The following XPNPEP1 variants were observed in gnomAD, a reference collection of about 807,000 sequenced individuals.
XPNPEP1 encodes X-prolyl aminopeptidase 1.
Under a neutral mutation model 92.4 loss-of-function variants are expected in XPNPEP1, and 39 were observed. That is an observed-to-expected ratio of 0.42 (90% CI 0.33 to 0.55). The LOEUF is 0.55. Among genes scored for constraint, XPNPEP1 ranks in the 20% least tolerant of loss-of-function variants. The pLI is 0.08. For missense variants in XPNPEP1, 654 were observed against 856.1 expected (o/e 0.76, Z 2.95); for synonymous variants, 307 against 299.4 (o/e 1.03, Z -0.26).
At chr10:109,896,290 T>C (rs1021310227) in intron 3 of XPNPEP1, among the ~76,000 whole-genome samples, 5 of 149,310 alleles carry the variant, frequency 3.3e-5, no homozygotes, top group South Asian at 2.1e-4. Flanking sequence ...TTTTTTTTTT[T>C]CTTTTGGAGA....
chr10:109,870,628 G>A (rs1847404881), intron 18 of XPNPEP1, 103 bp downstream of exon 18: 1 of 1,433,416 alleles, frequency 7.0e-7, no homozygotes, highest in Non-Finnish European at 9.3e-7. Context: ...GAAGGGAAAA[G>A]TATTGCCAAT....
intron 10 of XPNPEP1, among the ~76,000 whole-genome samples, chr10:109,881,731 G>A (rs1848110687): frequency 6.6e-6 from 1 of 152,198 alleles, no homozygotes; most frequent in East Asian, 1.9e-4. Flanking sequence ...GCCCAGGGGA[G>A]GACAGTAGAA....
At chr10:109,900,933 G>T (rs1849252685) in intron 3 of XPNPEP1, among the ~76,000 whole-genome samples, 1 of 151,968 alleles carries the variant, frequency 6.6e-6, no homozygotes, top group East Asian at 1.9e-4. Context: ...CTATTACTGG[G>T]TATATACCCA....
rs72826201 is a variant in XPNPEP1 at position 109,882,659 on chromosome 10, G to A, written c.831-17C>T. ...ATGAAGAGCCTGCAGATGGAGGAGA[G>A]GTGGGTGGCAGAAAAAGGAGGGAAC... On this transcript the variant is annotated splice_polypyrimidine_tract_variant and intron_variant, in intron 9 of 20. Transcript: ENST00000502935. 12,724 of 1,613,418 alleles carry A rather than the reference G, an allele frequency of 7.9e-3. 68 individuals are homozygous for A. Among genetic ancestry groups the A allele is most frequent in the Non-Finnish European group, 9.7e-3 (11,474 of 1,179,494 alleles).
At chr10:109,892,362 C>T in intron 4 of XPNPEP1, 1 of 156,236 alleles carries the variant, frequency 6.4e-6, no homozygotes, top group Non-Finnish European at 1.4e-5. Flanking sequence ...GGGGTTTTGG[C>T]AGAGGTGTCA....
rs572480777 is a variant in XPNPEP1 at position 109,879,247 on chromosome 10, T to TA, written c.1182+940dup. Among the ~76,000 whole-genome samples the TA allele has an allele frequency of 1.7e-3, 218 of 130,700 alleles. 8 individuals carry two copies. The South Asian group carries it at 0.046, about 28-fold the overall frequency. The allele number at this position is 130,700 out of a possible 152,430, so 85.7% of individuals were successfully genotyped here. A position where few individuals can be genotyped will look rare whatever the true frequency, so the allele number is the denominator to read the frequency against. ...ATGGAGCAAGGCTCTGTCTCAAAAA[T>TA]AAAAAAAAATAATAAAAATGTAATA... On this transcript the variant is annotated intron_variant, in intron 12 of 20. Coordinates refer to ENST00000502935, the MANE Select transcript of XPNPEP1 (RefSeq NM_020383.4).
Position 109,888,490 on chromosome 10 carries a change from C to A in XPNPEP1, c.508+13G>T. ...CTTCCTTACCCAAGCAGAAAGGGAC[C>A]AAGCTCACTTACCTGTAGGAATGAT... On this transcript the variant is annotated intron_variant, in intron 6 of 20. Transcript: ENST00000502935. 6.2e-7 allele frequency: 1 copy of A among 1,601,726 alleles called. No individual in the cohort carries two copies. The highest frequency in any genetic ancestry group is 8.5e-7 in the Non-Finnish European group (1 of 1,173,910).
intron 1 of XPNPEP1, among the ~76,000 whole-genome samples, chr10:109,917,339 T>C (rs1004693837): frequency 3.3e-5 from 5 of 152,196 alleles, no homozygotes; most frequent in African/African-American, 1.2e-4. Flanking sequence ...TATATCCTTG[T>C]AATGAGCAAT....
intron 1 of XPNPEP1, among the ~76,000 whole-genome samples, chr10:109,917,213 C>T (rs1263422199): frequency 6.6e-6 from 1 of 152,078 alleles, no homozygotes; most frequent in African/African-American, 2.4e-5. Flanking sequence ...TTGCAATTGA[C>T]ATAATCTTGA....
At chr10:109,885,191 C>CCAAA (rs1848323783) in intron 8 of XPNPEP1, among the ~76,000 whole-genome samples, 1 of 152,066 alleles carries the variant, frequency 6.6e-6, no homozygotes, top group Admixed American at 6.5e-5. Flanking sequence ...TGCAAATAAC[C>CCAAA]CAAAGGTCAT....
intron 18 of XPNPEP1, among the ~76,000 whole-genome samples, chr10:109,870,517 T>C (rs1375358942): frequency 1.3e-5 from 2 of 152,098 alleles, no homozygotes; most frequent in African/African-American, 4.8e-5. Flanking sequence ...TTCCCCTGAG[T>C]GGTTAGATTG....
At chr10:109,899,884 G>T (rs1309710954) in intron 3 of XPNPEP1, among the ~76,000 whole-genome samples, 1 of 152,194 alleles carries the variant, frequency 6.6e-6, no homozygotes, top group Admixed American at 6.5e-5. Flanking sequence ...TCCAACCAAG[G>T]ATTCTCCTGC....
chr10:109,922,730 A>T (rs1279134802), intron 1 of XPNPEP1, among the ~76,000 whole-genome samples: 7 of 152,222 alleles, frequency 4.6e-5, no homozygotes, highest in Non-Finnish European at 7.3e-5. Context: ...GGCTCTGATA[A>T]GTACATCCTG....
intron 17 of XPNPEP1, among the ~76,000 whole-genome samples, chr10:109,871,322 GC>G (rs1589544324): frequency 6.6e-6 from 1 of 152,148 alleles, no homozygotes; most frequent in Non-Finnish European, 1.5e-5. Flanking sequence ...AAGCAAGGCA[GC>G]CCAGGTCTTG....
At chr10:109,911,395 A>G (rs1438279262) in intron 2 of XPNPEP1, among the ~76,000 whole-genome samples, 4 of 152,076 alleles carry the variant, frequency 2.6e-5, no homozygotes, top group African/African-American at 9.7e-5. Context: ...ACAGGTACAC[A>G]CCACCACATC....
chr10:109,891,765 C>T lies in XPNPEP1; in HGVS notation c.372G>A (p.Gln124=). 2.5e-6 allele frequency: 4 copies of T among 1,597,464 alleles called. No homozygotes were observed. Among genetic ancestry groups the T allele is most frequent in the Non-Finnish European group, 3.4e-6 (4 of 1,175,122 alleles). ...AMWTDGRYFL[Q]AAKQMDSNWT... is the part of the protein sequence containing the mutation. The stretch of plus-strand genomic sequence containing the variant: ...AGTTGCTGTCCATTTGCTTGGCAGC[C>T]TGGAGAAAGTAGCGCCCGTCAGTCC... Residue 124 remains glutamine, a synonymous_variant, in exon 5 of 21, where the codon CAG becomes CAA. Coordinates refer to ENST00000502935, the MANE Select transcript of XPNPEP1 (RefSeq NM_020383.4).
rs774033134 is a variant in XPNPEP1, at chr10:109,888,100, G to A, written c.601C>T (p.Arg201Cys). 14 of 1,613,900 alleles carry A rather than the reference G, an allele frequency of 8.7e-6. No homozygotes were observed. Among genetic ancestry groups the A allele is most frequent in the African/African-American group, 4.0e-5 (3 of 74,908 alleles). Residue 201 changes from arginine to cysteine, a missense_variant, in exon 7 of 21, where the codon CGT becomes TGT. Physicochemically the swap from Arg to Cys is radical, Grantham distance 180 (BLOSUM62 -3). Coordinates refer to ENST00000502935, the MANE Select transcript of XPNPEP1 (RefSeq NM_020383.4). ...ENLVDKIWTD[R>C]PERPCKPLLT... ...AGAGGCTTGCAAGGGCGCTCAGGAC[G>A]GTCTGTCCAGATTTTGTCAACGAGG...
intron 8 of XPNPEP1, among the ~76,000 whole-genome samples, chr10:109,885,100 G>C (rs1848320308): frequency 6.6e-6 from 1 of 152,244 alleles, no homozygotes; most frequent in East Asian, 1.9e-4. Context: ...ACCAGAAATA[G>C]GAAGAAAATT....
chr10:109,871,753 A>C lies in XPNPEP1; in HGVS notation c.1522+39T>G, dbSNP rs7088138. On this transcript the variant is annotated intron_variant, in intron 17 of 20. Coordinates refer to ENST00000502935, the MANE Select transcript of XPNPEP1 (RefSeq NM_020383.4). ...CATAGACATATTTGATTCTCAAACAAGAAAAAGAGCCTGCCATGTGACAGA... is the reference window on the plus strand; with the variant it reads ...CATAGACATATTTGATTCTCAAACACGAAAAAGAGCCTGCCATGTGACAGA... 26 of 1,591,652 alleles carry C rather than the reference A, an allele frequency of 1.6e-5. No homozygotes were observed. The African/African-American group carries it at 2.8e-4, about 17-fold the overall frequency.
Sources: allele counts gnomAD v4.1 joint callset (sites outside exome capture counted in the v4.1 genomes callset), GRCh38; gene constraint gnomAD v4.1.1; transcripts MANE v1.5; gene names NCBI Gene and HGNC (gene_info 2026-07-23, HGNC 2026-07-21).